The following KLHL5 variants were observed in gnomAD, a reference collection of about 807,000 sequenced individuals.
KLHL5 encodes kelch-like protein 5.
Under a neutral mutation model 77.7 loss-of-function variants are expected in KLHL5, and 48 were observed. The observed-to-expected ratio is 0.62, with a 90% CI of 0.49 to 0.79. The LOEUF (loss-of-function observed/expected upper bound fraction) is 0.79. Ranked by LOEUF, KLHL5 falls within the 30% of genes least tolerant of loss-of-function variation. The pLI, the probability that KLHL5 is intolerant of heterozygous loss-of-function variation, is 0.00. For missense variants in KLHL5, 723 were observed against 859.7 expected (o/e 0.84, Z 1.99); for synonymous variants, 260 against 297.0 (o/e 0.88, Z 1.28).
intron 6 of KLHL5, 44 bp from the exon 7 acceptor site, chr4:39,103,243 T>C: frequency 7.6e-7 from 1 of 1,317,206 alleles, no homozygotes; most frequent in South Asian, 1.3e-5. Context: ...TTACCAATCA[T>C]GGTATAATTT....
rs745867557 is a variant in KLHL5, at chr4:39,096,764, A to G, written c.1186A>G (p.Met396Val). ...ATGTCAGAAACTCATTATGGAAGCA[A>G]TGAAGTACCATTTATTACCAGAGAG... ...IECQKLIMEAMKYHLLPERRP... is the reference protein window; with the variant it reads ...IECQKLIMEAVKYHLLPERRP... Residue 396 changes from methionine to valine, a missense_variant, in exon 6 of 11, where the codon ATG becomes GTG. Physicochemically the swap from Met to Val is conservative, Grantham distance 21. Coordinates refer to ENST00000504108, the MANE Select transcript of KLHL5 (RefSeq NM_015990.5). 5.0e-6 allele frequency: 8 copies of G among 1,613,164 alleles called. No individual in the cohort carries two copies. Among genetic ancestry groups the G allele is most frequent in the Admixed American group, 1.7e-5 (1 of 60,026 alleles).
intron 1 of KLHL5, chr4:39,063,947 A>G (rs938711781): frequency 1.3e-5 from 2 of 152,548 alleles, no homozygotes; most frequent in African/African-American, 4.8e-5. Context: ...TCATTCGAAA[A>G]TATTTCTAAA....
At chr4:39,075,938 A>C (rs778922739) in intron 1 of KLHL5, 27 bp from the exon 2 acceptor site, 9 of 1,580,256 alleles carry the variant, frequency 5.7e-6, no homozygotes, top group Non-Finnish European at 6.9e-6. Flanking sequence ...GTGATATTTC[A>C]AAATGTGTGT....
Position 39,113,091 on chromosome 4 carries a change from A to G in KLHL5, c.1760A>G (p.Asn587Ser), listed in dbSNP as rs761402449. The G allele has an allele frequency of 1.1e-5, 17 of 1,614,106 alleles. No individual in the cohort carries two copies. Among genetic ancestry groups the G allele is most frequent in the South Asian group, 2.2e-5 (2 of 91,082 alleles). ...KSVECFDPHT[N>S]KWTLCAQMSK... is the part of the protein sequence containing the mutation. ...GTAGAATGTTTTGATCCTCATACTA[A>G]TAAGTGGACACTGTGTGCACAGATG... Residue 587 changes from asparagine (N) to serine (S), a missense_variant, in exon 9 of 11, where the codon AAT becomes AGT. Asn to Ser is a conservative substitution (Grantham distance 46). Around this residue, in one of 3 missense-constraint regions of KLHL5, gnomAD observed 214 missense variants for 237.4 expected, o/e 0.90. Transcript: ENST00000504108.
chr4:39,046,032 A>G (rs1015143119), intron 1 of KLHL5, among the ~76,000 whole-genome samples: 2 of 127,094 alleles, frequency 1.6e-5, no homozygotes, highest in Non-Finnish European at 3.5e-5. Flanking sequence ...AAAACCAATC[A>G]TGACTTTTTT....
At chr4:39,044,950 G>A, upstream of KLHL5, 1 of 910,800 alleles carries the variant, frequency 1.1e-6, no homozygotes, top group Non-Finnish European at 1.2e-6. Flanking sequence ...CGGCGCCGGG[G>A]ATGAGGCTGC....
At position 39,115,565 on chromosome 4, in the gene KLHL5, AC is replaced by A. The variant is rs1722777194; in HGVS notation, c.2073+237del. 39 of 1,450,466 alleles carry A rather than the reference AC, an allele frequency of 2.7e-5. 1 individual carries two copies. The South Asian group carries it at 5.8e-4, about 22-fold the overall frequency. The allele number at this position is 1,450,466 out of a possible 1,614,324, so 89.8% of individuals were successfully genotyped here. On this transcript the variant is annotated intron_variant, in intron 10 of 10. Transcript: ENST00000504108. Reference sequence around the variant, plus strand: ...TCAGAGAAATTATTAATTATCTGCTACCACTTGCATGATGAAGTGTTCTAGC... The same window carrying A: ...TCAGAGAAATTATTAATTATCTGCTACACTTGCATGATGAAGTGTTCTAGC...
chr4:39,063,262 G>T (rs965123020), intron 1 of KLHL5, among the ~76,000 whole-genome samples: 1 of 151,710 alleles, frequency 6.6e-6, no homozygotes, highest in Non-Finnish European at 1.5e-5. Context: ...GAAATATCTT[G>T]TGTTCTATAT....
At position 39,115,551 on chromosome 4, in the gene KLHL5, A is replaced by G; in HGVS notation, c.2073+221A>G. The G allele has an allele frequency of 6.9e-6, 10 of 1,456,218 alleles. No individual in the cohort carries two copies. The South Asian group carries it at 1.5e-4, about 21-fold the overall frequency. 90.2% of individuals were successfully genotyped at this position (1,456,218 alleles called of 1,614,324 possible). Reference sequence around the variant, plus strand: ...ATGTAAGTTAATACTCAGAGAAATTATTAATTATCTGCTACCACTTGCATG... The same window carrying G: ...ATGTAAGTTAATACTCAGAGAAATTGTTAATTATCTGCTACCACTTGCATG... On this transcript the variant is annotated intron_variant, in intron 10 of 10. Transcript: ENST00000504108.
chr4:39,115,252 T>C lies in KLHL5; in HGVS notation c.1995T>C (p.Tyr665=). 6.2e-7 allele frequency: 1 copy of C among 1,614,082 alleles called. No homozygotes were observed. The highest frequency in any genetic ancestry group is 1.1e-5 in the South Asian group (1 of 91,076). The change falls in exon 10 of 11, where the codon TAT becomes TAC. Residue 665 remains tyrosine (Y), a synonymous_variant. Transcript: ENST00000504108. Reference sequence around the variant, plus strand: ...TCTGTTTACTTGGTGATAAGTTATATGCTGTTGGGGGGTATGATGGACAGG... The same window carrying C: ...TCTGTTTACTTGGTGATAAGTTATACGCTGTTGGGGGGTATGATGGACAGG... The part of the protein sequence containing the change: ...VGVCLLGDKL[Y]AVGGYDGQAY...
chr4:39,053,260 C>T (rs1333355657), intron 1 of KLHL5, among the ~76,000 whole-genome samples: 2 of 152,188 alleles, frequency 1.3e-5, no homozygotes, highest in African/African-American at 4.8e-5. Flanking sequence ...ATTGGTCCTA[C>T]AGCAGAATCA....
At chr4:39,058,541 C>T (rs1717158687), upstream of KLHL5, among the ~76,000 whole-genome samples, 2 of 151,946 alleles carry the variant, frequency 1.3e-5, no homozygotes, top group Admixed American at 6.6e-5. Context: ...CCCCTGAGCT[C>T]GGGAGGTTGT....
At chr4:39,111,774 A>G (rs1221082944) in intron 8 of KLHL5, among the ~76,000 whole-genome samples, 1 of 152,168 alleles carries the variant, frequency 6.6e-6, no homozygotes. Flanking sequence ...ATATAGTTTA[A>G]GTTTAGAACA....
At chr4:39,120,391 A>T (rs1723129868) in intron 10 of KLHL5, 1 of 152,232 alleles carries the variant, frequency 6.6e-6, no homozygotes, top group Admixed American at 6.5e-5. Flanking sequence ...ATCTCACTGT[A>T]ATAGAGCTCA....
intron 1 of KLHL5, among the ~76,000 whole-genome samples, chr4:39,071,960 A>T (rs1238394666): frequency 6.6e-6 from 1 of 152,172 alleles, no homozygotes; most frequent in Non-Finnish European, 1.5e-5. Context: ...TGTTAGATGT[A>T]TTTCCTCTGT....
At chr4:39,132,994 C>T in the KLHL5 span, among the ~76,000 whole-genome samples, 1 of 152,038 alleles carries the variant, frequency 6.6e-6, no homozygotes, top group Non-Finnish European at 1.5e-5. Context: ...ATAGTCTAGT[C>T]GCAGGAATCA....
chr4:39,051,409 AT>A (rs1716635708), intron 1 of KLHL5, among the ~76,000 whole-genome samples: 1 of 151,722 alleles, frequency 6.6e-6, no homozygotes, highest in African/African-American at 2.4e-5. Flanking sequence ...AAAGCTGTGT[AT>A]GAGATTAGAT....
Position 39,107,650 on chromosome 4 carries a change from A to G in KLHL5, c.1607A>G (p.Asp536Gly). 1 of 1,612,542 alleles carries G rather than the reference A, an allele frequency of 6.2e-7. No homozygotes were observed. The highest frequency in any genetic ancestry group is 8.5e-7 in the Non-Finnish European group (1 of 1,178,878). Residue 536 changes from aspartate (D) to glycine (G), a missense_variant, in exon 8 of 11, where the codon GAC (aspartate) becomes GGC (glycine). Transcript: ENST00000504108. ...TATCTGAACACAGTGGAAAGATGGG[A>G]CCCTCAGGCTCGCCAGTGGAATTTT... ...WSYLNTVERW[D>G]PQARQWNFVA...
intron 2 of KLHL5, among the ~76,000 whole-genome samples, chr4:39,079,723 C>T (rs1719434178): frequency 6.6e-6 from 1 of 152,090 alleles, no homozygotes; most frequent in Non-Finnish European, 1.5e-5. Context: ...AAATGTAAGA[C>T]TCCATAAGAG....
Sources: allele counts gnomAD v4.1 joint callset (sites outside exome capture counted in the v4.1 genomes callset), GRCh38; gene constraint gnomAD v4.1.1; regional missense constraint gnomAD v4.1.1; transcripts MANE v1.5; gene names NCBI Gene and HGNC (gene_info 2026-07-23, HGNC 2026-07-21).